LRRC52: variants seen among roughly 807,000 people sequenced by gnomAD.
LRRC52 encodes the protein leucine-rich repeat-containing protein 52.
A neutral mutation model predicts 14.7 loss-of-function variants in LRRC52; 15 were observed. The observed-to-expected ratio is 1.02, with a 90% CI of 0.68 to 1.58. The LOEUF (loss-of-function observed/expected upper bound fraction) is 1.58, where lower values mean the gene tolerates loss of function less well. Among genes scored for constraint, LRRC52 ranks in the 40% most tolerant of loss-of-function variants. The pLI, the probability that LRRC52 is intolerant of heterozygous loss-of-function variation, is 0.00. For missense variants in LRRC52, 400 were observed against 387.7 expected (o/e 1.03, Z -0.27); for synonymous variants, 180 against 163.9 (o/e 1.10, Z -0.75).
chr1:165,551,176 C>G (rs1405149413), intron 1 of LRRC52, among the ~76,000 whole-genome samples: 1 of 152,124 alleles, frequency 6.6e-6, no homozygotes. Context: ...TAAGCACCCT[C>G]AACTTCACTA....
chr1:165,558,896 G>A (rs1163488636), intron 1 of LRRC52, among the ~76,000 whole-genome samples: 3 of 152,078 alleles, frequency 2.0e-5, no homozygotes, highest in Non-Finnish European at 2.9e-5. Flanking sequence ...AAAAGTAAAC[G>A]GACGGAAGAA....
At chr1:165,552,324 G>A (rs1661148417) in intron 1 of LRRC52, among the ~76,000 whole-genome samples, 1 of 152,140 alleles carries the variant, frequency 6.6e-6, no homozygotes, top group African/African-American at 2.4e-5. Flanking sequence ...GTTCAAGTCT[G>A]GCTAAAGCAG....
At position 165,557,867 on chromosome 1, in the gene LRRC52, G is replaced by T. The variant is rs372847950; in HGVS notation, c.623-5638G>T. 4.1e-4 allele frequency among the ~76,000 whole-genome samples: 62 copies of T among 152,236 alleles called. 2 individuals carry two copies. In the East Asian group the frequency reaches 8.5e-3, roughly 21 times the overall value. ...TGCTTTCCATTGCCACTGCCTAGAT[G>T]CTCACCCCTCCAGTCAGCCCAGAAG... is the stretch of plus-strand genomic sequence containing the variant. On this transcript the variant is annotated intron_variant, in intron 1 of 1. Transcript: ENST00000294818.
At position 165,544,239 on chromosome 1, in the gene LRRC52, C is replaced by A; in HGVS notation, c.-58C>A. 1 of 1,243,662 alleles carries A rather than the reference C, an allele frequency of 8.0e-7. No individual in the cohort carries two copies. Among genetic ancestry groups the A allele is most frequent in the Non-Finnish European group, 1.1e-6 (1 of 928,354 alleles). 77.0% of individuals were successfully genotyped at this position (1,243,662 alleles called of 1,614,324 possible). A position where few individuals can be genotyped will look rare whatever the true frequency, so the allele number is the denominator to read the frequency against. On this transcript the variant is annotated 5_prime_UTR_variant, in exon 1 of 2. Coordinates refer to ENST00000294818, the MANE Select transcript of LRRC52 (RefSeq NM_001005214.4). ...GCCCCACCCCCCCACCGGCAGCCTT[C>A]GGATCAGAGGACAGAGCCCGCAGGA...
chr1:165,563,534 A>C lies in LRRC52; in HGVS notation c.652A>C (p.Thr218Pro). The change falls in exon 2 of 2, where the codon ACA becomes CCA. Residue 218 changes from threonine (T) to proline (P), a missense_variant. By Grantham distance (38) the Thr-to-Pro change is conservative. Coordinates refer to ENST00000294818, the MANE Select transcript of LRRC52 (RefSeq NM_001005214.4). ...DDLNATCVEPTELTGWPITRV... is the reference protein window; with the variant it reads ...DDLNATCVEPPELTGWPITRV... ...TCTAAATGCCACATGTGTGGAGCCC[A>C]CAGAGCTGACAGGGTGGCCCATCAC... The C allele has an allele frequency of 6.2e-7, 1 of 1,614,052 alleles. No individual in the cohort carries two copies.
intron 1 of LRRC52, among the ~76,000 whole-genome samples, chr1:165,561,937 C>T (rs1215038865): frequency 6.6e-6 from 1 of 152,244 alleles, no homozygotes; most frequent in Non-Finnish European, 1.5e-5. Flanking sequence ...TCTTTGAATG[C>T]TGCTTCCAGC....
At chr1:165,555,416 G>A (rs1001572477) in intron 1 of LRRC52, among the ~76,000 whole-genome samples, 24 of 152,252 alleles carry the variant, frequency 1.6e-4, no homozygotes, top group African/African-American at 5.8e-4. Context: ...AGGAGAAAGG[G>A]AAGAAATGAG....
chr1:165,549,744 AG>A (rs1661092625), intron 1 of LRRC52, among the ~76,000 whole-genome samples: 3 of 152,260 alleles, frequency 2.0e-5, no homozygotes, highest in African/African-American at 7.2e-5. Flanking sequence ...ATTTTTGCTA[AG>A]GACCTCCCCC....
intron 1 of LRRC52, among the ~76,000 whole-genome samples, chr1:165,552,534 G>C (rs991405265): frequency 1.3e-5 from 2 of 152,106 alleles, no homozygotes; most frequent in African/African-American, 4.8e-5. Context: ...GGAAGCTCCC[G>C]TAGGCGTTCA....
intron 1 of LRRC52, among the ~76,000 whole-genome samples, chr1:165,547,115 T>C (rs1024349136): frequency 1.3e-5 from 2 of 152,252 alleles, no homozygotes; most frequent in South Asian, 2.1e-4. Context: ...GAGTCTAGGA[T>C]TGGTATTTTT....
At chr1:165,549,218 C>A (rs1231181425) in intron 1 of LRRC52, among the ~76,000 whole-genome samples, 1 of 152,152 alleles carries the variant, frequency 6.6e-6, no homozygotes, top group African/African-American at 2.4e-5. Flanking sequence ...GGGGCTGGAC[C>A]AGCAGCAGCA....
At chr1:165,557,171 T>C (rs1661252079) in intron 1 of LRRC52, among the ~76,000 whole-genome samples, 2 of 152,190 alleles carry the variant, frequency 1.3e-5, no homozygotes, top group Non-Finnish European at 2.9e-5. Context: ...CTGCAGCAGT[T>C]TGTCCTCATA....
intron 1 of LRRC52, among the ~76,000 whole-genome samples, chr1:165,552,303 G>A (rs112515775): frequency 6.6e-6 from 1 of 152,184 alleles, no homozygotes; most frequent in African/African-American, 2.4e-5. Flanking sequence ...TCAGGACTCT[G>A]AAAAACAGCA....
Position 165,544,808 on chromosome 1 carries a change from A to T in LRRC52, c.512A>T (p.Tyr171Phe). The change falls in exon 1 of 2, where the codon TAC (tyrosine) becomes TTC (phenylalanine). Residue 171 changes from tyrosine to phenylalanine, a missense_variant. Coordinates refer to ENST00000294818, the MANE Select transcript of LRRC52 (RefSeq NM_001005214.4). ...GLQTLDSAALYHLTTLETLFL... is the reference protein window; with the variant it reads ...GLQTLDSAALFHLTTLETLFL... ...CAGACCCTGGACAGTGCTGCCTTAT[A>T]CCACCTCACTACTCTGGAGACCCTG... 1 of 1,613,848 alleles carries T rather than the reference A, an allele frequency of 6.2e-7. No individual in the cohort carries two copies. The highest frequency in any genetic ancestry group is 8.5e-7 in the Non-Finnish European group (1 of 1,179,952).
In LRRC52 at chr1:165,544,651, T is replaced by A; in HGVS notation, c.355T>A (p.Phe119Ile). ...CAACAACCTAACCTCGATCTCCCCA[T>A]TCACTTTCTCGGTGCTCAGCAACCT... ...SSNNLTSISP[F>I]TFSVLSNLVQ... The change falls in exon 1 of 2, where the codon TTC becomes ATC. Residue 119 changes from phenylalanine (F) to isoleucine (I), a missense_variant. Phe to Ile is a conservative substitution (Grantham distance 21). Coordinates refer to ENST00000294818, the MANE Select transcript of LRRC52 (RefSeq NM_001005214.4). The A allele has an allele frequency of 6.2e-7, 1 of 1,613,974 alleles. No individual in the cohort carries two copies. The highest frequency in any genetic ancestry group is 2.2e-5 in the East Asian group (1 of 44,864).
Position 165,563,716 on chromosome 1 carries a change from C to T in LRRC52, c.834C>T (p.His278=). 6.2e-7 allele frequency: 1 copy of T among 1,614,218 alleles called. No homozygotes were observed. The highest frequency in any genetic ancestry group is 8.5e-7 in the Non-Finnish European group (1 of 1,180,052). ...CTGTGCTCTACCAGAACACCCGCCACAAGTCGAGTGAAGAAGATGAGGACG... is the reference window on the plus strand; with the variant it reads ...CTGTGCTCTACCAGAACACCCGCCATAAGTCGAGTGAAGAAGATGAGGACG... ...VCAVLYQNTR[H]KSSEEDEDEA... The change falls in exon 2 of 2, where the codon CAC becomes CAT. Residue 278 remains histidine (H), a synonymous_variant. Transcript: ENST00000294818.
At chr1:165,554,145 G>A (rs1251918734) in intron 1 of LRRC52, among the ~76,000 whole-genome samples, 1 of 152,096 alleles carries the variant, frequency 6.6e-6, no homozygotes, top group East Asian at 1.9e-4. Context: ...ATAATTAAAT[G>A]AAAAAACCCA....
chr1:165,553,117 A>C (rs1297264352), intron 1 of LRRC52, among the ~76,000 whole-genome samples: 1 of 152,222 alleles, frequency 6.6e-6, no homozygotes, highest in African/African-American at 2.4e-5. Context: ...GAAACCTAAC[A>C]GAAGATGAGA....
intron 1 of LRRC52, among the ~76,000 whole-genome samples, chr1:165,548,638 C>T (rs1661071075): frequency 6.6e-6 from 1 of 152,148 alleles, no homozygotes; most frequent in African/African-American, 2.4e-5. Flanking sequence ...TAATTCTAGC[C>T]CTGATGCTGA....
Sources: gnomAD v4.1 joint callset for allele counts (sites outside exome capture counted in the v4.1 genomes callset) on GRCh38, gnomAD v4.1.1 for gene constraint, MANE v1.5 for transcripts, NCBI Gene and HGNC (gene_info 2026-07-23, HGNC 2026-07-21) for gene names.